The following CFAP92 variants were observed in gnomAD, a reference collection of about 807,000 sequenced individuals.
The protein encoded by CFAP92 is cilia and flagella associated protein 92 (putative).
CFAP92 carries 86 observed loss-of-function variants against 106.3 expected under a neutral mutation model. That is an observed-to-expected ratio of 0.81 (90% confidence interval 0.68 to 0.97). The LOEUF (loss-of-function observed/expected upper bound fraction) is 0.97. Among genes scored for constraint, CFAP92 ranks in the 50% least tolerant of loss-of-function variants. The probability of loss-of-function intolerance (pLI) is 0.00; values close to 1 mark genes in which losing one functional copy is unlikely to be tolerated. For synonymous variants in CFAP92, 477 were observed against 506.4 expected (o/e 0.94, Z 0.78); for missense variants, 1,204 against 1,283.8 (o/e 0.94, Z 0.95).
intron 9 of CFAP92, among the ~76,000 whole-genome samples, chr3:128,958,559 T>C (rs1164524101): frequency 2.0e-5 from 3 of 152,188 alleles, no homozygotes; most frequent in Non-Finnish European, 4.4e-5. Flanking sequence ...TTTTAAAGTA[T>C]GACATATGTA....
In CFAP92 at chr3:128,910,175, G is replaced by A. The variant is rs779269588; in HGVS notation, c.*124C>T. 2 of 1,613,654 alleles carry A rather than the reference G, an allele frequency of 1.2e-6. No homozygotes were observed. The highest frequency in any genetic ancestry group is 1.7e-6 in the Non-Finnish European group (2 of 1,180,028). On this transcript the variant is annotated 3_prime_UTR_variant, in exon 16 of 16. Coordinates refer to ENST00000645291, the MANE Select transcript of CFAP92 (RefSeq NM_001394090.1). ...GTGAGCCCAGCCCAGCCTCACACAG[G>A]GCCTGGCTGCTGCCATCTGTCCTGC...
At chr3:128,990,891 C>T (rs140479496) in intron 2 of CFAP92, among the ~76,000 whole-genome samples, 84 of 151,752 alleles carry the variant, frequency 5.5e-4, no homozygotes, top group African/African-American at 1.9e-3. Context: ...AGCAAGACTC[C>T]GTCTCAAAAA....
intron 10 of CFAP92, among the ~76,000 whole-genome samples, chr3:128,944,730 CT>C (rs1338048064): frequency 6.6e-6 from 1 of 152,190 alleles, no homozygotes; most frequent in African/African-American, 2.4e-5. Flanking sequence ...TAAGCAGCCC[CT>C]CCATCTTCAA....
chr3:128,947,272 T>A (rs1576473679), intron 9 of CFAP92, among the ~76,000 whole-genome samples: 2 of 152,036 alleles, frequency 1.3e-5, no homozygotes, highest in East Asian at 3.8e-4. Flanking sequence ...ATGTACTATA[T>A]ACATAGATTG....
In CFAP92 at chr3:128,971,324, A is replaced by T. The variant is rs1942776306; in HGVS notation, c.1131T>A (p.Ala377=). The change falls in exon 8 of 16, where the codon GCT becomes GCA. Residue 377 remains alanine, a synonymous_variant. Coordinates refer to ENST00000645291, the MANE Select transcript of CFAP92 (RefSeq NM_001394090.1). The stretch of plus-strand genomic sequence containing the variant: ...GCATGACGGCCAGCTGGATGGAGAA[A>T]GCGCTCTGCTTCCTGGGGCCTGTCA... ...PTLTGPRKQS[A]FSIQLAVMPL... 1 of 1,613,710 alleles carries T rather than the reference A, an allele frequency of 6.2e-7. No homozygotes were observed. The highest frequency in any genetic ancestry group is 2.2e-5 in the East Asian group (1 of 44,878).
chr3:128,913,052 T>C (rs1391307277), intron 15 of CFAP92: 2 of 455,634 alleles, frequency 4.4e-6, no homozygotes, highest in African/African-American at 4.0e-5. Flanking sequence ...GCAGAGGCAC[T>C]TAAAACATGT....
upstream of CFAP92, chr3:129,003,914 C>T (rs1415486951): frequency 5.9e-6 from 8 of 1,354,078 alleles, no homozygotes; most frequent in South Asian, 1.7e-5. Context: ...CCGCGCTGGG[C>T]GGCTGCGCCG....
chr3:129,001,720 T>C (rs1464263693), intron 1 of CFAP92: 3 of 1,518,676 alleles, frequency 2.0e-6, no homozygotes, highest in African/African-American at 2.9e-5. Context: ...CAGTGGCTGC[T>C]GAGCGCCCTG....
Position 128,932,971 on chromosome 3 carries a change from G to C in CFAP92, c.2480C>G (p.Thr827Ser). 1 of 1,536,094 alleles carries C rather than the reference G, an allele frequency of 6.5e-7. No homozygotes were observed. Among genetic ancestry groups the C allele is most frequent in the Non-Finnish European group, 8.7e-7 (1 of 1,146,902 alleles). The change falls in exon 12 of 16, where the codon ACC (threonine) becomes AGC (serine). Residue 827 changes from threonine to serine, a missense_variant. Thr to Ser is a moderately conservative substitution (Grantham distance 58). Coordinates refer to ENST00000645291, the MANE Select transcript of CFAP92 (RefSeq NM_001394090.1). ...CCTCACCGTCACGTCCCAGAGGGTG[G>C]TGCTGTTATAGCAGATGTCGTGGAT... ...ARIHDICYNS[T>S]TLWDVTVRDL... is the part of the protein sequence containing the mutation.
At chr3:128,996,682 C>T (rs1421328508), upstream of CFAP92, among the ~76,000 whole-genome samples, 1 of 152,248 alleles carries the variant, frequency 6.6e-6, no homozygotes, top group African/African-American at 2.4e-5. Context: ...TGTTATTTCT[C>T]ACCACTCCAT....
Position 128,988,831 on chromosome 3 carries a change from T to TA in CFAP92, c.349dup (p.Tyr117LeufsTer4), listed in dbSNP as rs765053423. On this transcript the variant is annotated frameshift_variant, in exon 3 of 16. Transcript: ENST00000645291. LOFTEE classifies it high-confidence loss of function. ...CGGCAGAAGGAAATACTCAATGTGGTAAAAACGACGCATCTTTGTAACAGA... is the reference window on the plus strand; with the variant it reads ...CGGCAGAAGGAAATACTCAATGTGGTAAAAAACGACGCATCTTTGTAACAGA... 95 of 1,613,870 alleles carry TA rather than the reference T, an allele frequency of 5.9e-5. 1 individual carries two copies. In the Middle Eastern group the frequency reaches 1.2e-3, roughly 20 times the overall value.
chr3:128,948,377 C>CGTTTT (rs756520909), intron 9 of CFAP92, among the ~76,000 whole-genome samples: 1 of 79,708 alleles, frequency 1.3e-5, no homozygotes, highest in African/African-American at 3.8e-5. Flanking sequence ...CTTTTCTTTC[C>CGTTTT]TTTTTTTTTT....
intron 4 of CFAP92, among the ~76,000 whole-genome samples, chr3:128,983,685 G>T (rs1486571319): frequency 1.3e-5 from 2 of 152,216 alleles, no homozygotes; most frequent in African/African-American, 2.4e-5. Context: ...TAACATTTTT[G>T]GGGAAAGAGA....
chr3:128,981,712 G>A (rs1943548143), intron 4 of CFAP92, among the ~76,000 whole-genome samples: 1 of 152,196 alleles, frequency 6.6e-6, no homozygotes, highest in Admixed American at 6.5e-5. Flanking sequence ...ATGAAATGTG[G>A]CTTTTAGATA....
chr3:128,962,154 C>T (rs976675645), intron 9 of CFAP92, among the ~76,000 whole-genome samples: 2 of 152,198 alleles, frequency 1.3e-5, no homozygotes, highest in African/African-American at 4.8e-5. Context: ...GACTCCTTCT[C>T]GGCTTAGCGG....
rs1944030920 is a variant in CFAP92 at position 128,988,881 on chromosome 3, A to G, written c.300T>C (p.Tyr100=). The change falls in exon 3 of 16, where the codon TAT becomes TAC. Residue 100 remains tyrosine, a synonymous_variant. Transcript: ENST00000645291. ...KGKYASLIEK[Y]KKHPKTDSSV... is the part of the protein sequence containing the mutation. ...AACTGTCTGTTTTAGGGTGTTTCTT[A>G]TATTTTTCAATCAAACTTGCATATT... is the stretch of plus-strand genomic sequence containing the variant. 1 of 1,613,764 alleles carries G rather than the reference A, an allele frequency of 6.2e-7. No homozygotes were observed. The highest frequency in any genetic ancestry group is 8.5e-7 in the Non-Finnish European group (1 of 1,179,720).
chr3:128,909,887 GAGA>G lies in CFAP92; in HGVS notation c.*409_*411del. ...GGGAGCCGTTCTCCCACAACCTGAA[GAGA>G]AAGGTGTTATTGACTCCACTTTCTC... On this transcript the variant is annotated 3_prime_UTR_variant, in exon 16 of 16. Transcript: ENST00000645291. The G allele has an allele frequency of 7.9e-7, 1 of 1,267,578 alleles. No individual in the cohort carries two copies. The highest frequency in any genetic ancestry group is 1.1e-6 in the Non-Finnish European group (1 of 889,582). 78.5% of individuals were successfully genotyped at this position (1,267,578 alleles called of 1,614,324 possible). A position where few individuals can be genotyped will look rare whatever the true frequency, so the allele number is the denominator to read the frequency against.
At position 128,975,893 on chromosome 3, in the gene CFAP92, A is replaced by G; in HGVS notation, c.907T>C (p.Ser303Pro). 1 of 1,603,996 alleles carries G rather than the reference A, an allele frequency of 6.2e-7. No individual in the cohort carries two copies. The highest frequency in any genetic ancestry group is 8.5e-7 in the Non-Finnish European group (1 of 1,176,792). The change falls in exon 7 of 16, where the codon TCA (serine) becomes CCA (proline). Residue 303 changes from serine to proline, a missense_variant. By Grantham distance (74) the Ser-to-Pro change is moderately conservative. Transcript: ENST00000645291. Reference sequence around the variant, plus strand: ...GCCAAAGAAATGGTTGGTGTTCTTGAAACACTCCATCTAGAAAATTCACAA... The same window carrying G: ...GCCAAAGAAATGGTTGGTGTTCTTGGAACACTCCATCTAGAAAATTCACAA... ...DDSSTIQWSV[S>P]RTPTISLAGA...
At chr3:128,935,064 A>G in intron 11 of CFAP92, 61 bp downstream of exon 11, 1 of 1,335,712 alleles carries the variant, frequency 7.5e-7, no homozygotes, top group Non-Finnish European at 9.9e-7. Flanking sequence ...TTGGGTGCAG[A>G]GTGTTAAGAA....
Sources: allele counts gnomAD v4.1 joint callset (sites outside exome capture counted in the v4.1 genomes callset), GRCh38; gene constraint gnomAD v4.1.1; transcripts MANE v1.5; gene names NCBI Gene and HGNC (gene_info 2026-07-23, HGNC 2026-07-21).